The following PHACTR3 variants were observed in gnomAD, a reference collection of about 807,000 sequenced individuals.
The protein encoded by PHACTR3 is phosphatase and actin regulator 3, also known as protein phosphatase 1, regulatory subunit 123.
PHACTR3 carries 16 observed loss-of-function variants against 66.8 expected under a neutral mutation model. The observed-to-expected ratio is 0.24, with a 90% CI of 0.16 to 0.36. The LOEUF (loss-of-function observed/expected upper bound fraction) is 0.36, where lower values mean the gene tolerates loss of function less well. Among genes scored for constraint, PHACTR3 ranks in the 10% least tolerant of loss-of-function variants. The probability of loss-of-function intolerance (pLI) is 1.00; values close to 1 mark genes in which losing one functional copy is unlikely to be tolerated. For synonymous variants in PHACTR3, 323 were observed against 292.1 expected (o/e 1.11, Z -1.08); for missense variants, 647 against 719.9 (o/e 0.90, Z 1.16).
chr20:59,775,052 C>G (rs2040485000), intron 7 of PHACTR3, among the ~76,000 whole-genome samples: 1 of 149,258 alleles, frequency 6.7e-6, no homozygotes, highest in African/African-American at 2.4e-5. Flanking sequence ...TCCTTGGAAG[C>G]CAGCTCCGTA....
At chr20:59,812,645 C>T (rs1367348546) in intron 8 of PHACTR3, among the ~76,000 whole-genome samples, 1 of 152,220 alleles carries the variant, frequency 6.6e-6, no homozygotes, top group East Asian at 1.9e-4. Context: ...TCAATGGGGC[C>T]TTCGTTCTGC....
Position 59,604,741 on chromosome 20 carries a change from A to C in PHACTR3, c.-274A>C. The stretch of plus-strand genomic sequence containing the variant: ...TTTTCCCTGGAATATAGACTGAAGA[A>C]TGGGAATAAACACGAATAAATAACA... On this transcript the variant is annotated 5_prime_UTR_variant, in exon 1 of 13. An upstream start codon of the reference 5' UTR is lost. Transcript: ENST00000371015. The C allele has an allele frequency of 9.0e-7, 1 of 1,106,240 alleles. No homozygotes were observed. Among genetic ancestry groups the C allele is most frequent in the Non-Finnish European group, 1.1e-6 (1 of 910,726 alleles). The allele number at this position is 1,106,240 out of a possible 1,614,324, so 68.5% of individuals were successfully genotyped here.
intron 1 of PHACTR3, among the ~76,000 whole-genome samples, chr20:59,668,690 A>C (rs2036082683): frequency 6.6e-6 from 1 of 152,088 alleles, no homozygotes; most frequent in Admixed American, 6.6e-5. Flanking sequence ...TTCAATGCCT[A>C]AGTTTTTAAA....
At chr20:59,759,481 T>C (rs2039921782) in intron 4 of PHACTR3, among the ~76,000 whole-genome samples, 2 of 152,036 alleles carry the variant, frequency 1.3e-5, no homozygotes, top group Admixed American at 1.3e-4. Flanking sequence ...CTGAACAGAG[T>C]CTGTCCCTGT....
intron 8 of PHACTR3, among the ~76,000 whole-genome samples, chr20:59,827,108 T>C (rs1218857092): frequency 6.6e-6 from 1 of 152,066 alleles, no homozygotes; most frequent in South Asian, 2.1e-4. Context: ...TCCATGTTGC[T>C]GTCTTTAGCA....
intron 1 of PHACTR3, among the ~76,000 whole-genome samples, chr20:59,669,916 A>G (rs1029659172): frequency 6.6e-6 from 1 of 152,208 alleles, no homozygotes; most frequent in African/African-American, 2.4e-5. Flanking sequence ...GTTTTAACCT[A>G]AATTGCCTTT....
At chr20:59,687,726 A>T (rs2036953974) in intron 1 of PHACTR3, among the ~76,000 whole-genome samples, 1 of 152,100 alleles carries the variant, frequency 6.6e-6, no homozygotes, top group Non-Finnish European at 1.5e-5. Flanking sequence ...AGGTTTGTGG[A>T]CTGGTACCTG....
chr20:59,820,379 C>T lies in PHACTR3; in HGVS notation c.1328+14185C>T, dbSNP rs762947766. Among the ~76,000 whole-genome samples the T allele has an allele frequency of 6.6e-6, 1 of 152,232 alleles. No homozygotes were observed. The highest frequency in any genetic ancestry group is 1.5e-5 in the Non-Finnish European group (1 of 68,048). On this transcript the variant is annotated intron_variant, in intron 8 of 12. Coordinates refer to ENST00000371015, the MANE Select transcript of PHACTR3 (RefSeq NM_080672.5). The surrounding 1 kb of genome is among the most constrained non-coding windows in gnomAD (Gnocchi z 4.6). The stretch of plus-strand genomic sequence containing the variant: ...CGGGGCAGGCAAGGCCAGCACGGAT[C>T]AGGCAAAATGGTGGCTATCATGTAT...
chr20:59,607,786 A>G (rs1370587816), intron 1 of PHACTR3, among the ~76,000 whole-genome samples: 2 of 152,194 alleles, frequency 1.3e-5, no homozygotes, highest in African/African-American at 4.8e-5. Context: ...CCTCATTGCA[A>G]TATCCATCTC....
At chr20:59,799,697 C>A (rs963708388) in intron 7 of PHACTR3, among the ~76,000 whole-genome samples, 3 of 151,940 alleles carry the variant, frequency 2.0e-5, no homozygotes, top group Non-Finnish European at 4.4e-5. Context: ...TTTATAGGTT[C>A]TTTATATATA....
intron 1 of PHACTR3, among the ~76,000 whole-genome samples, chr20:59,665,524 AG>A (rs1432392259): frequency 6.6e-6 from 1 of 151,862 alleles, no homozygotes; most frequent in Non-Finnish European, 1.5e-5. Flanking sequence ...TTTTTTTTCC[AG>A]CAGATTTTAA....
chr20:59,757,385 T>G (rs750805110), intron 4 of PHACTR3, among the ~76,000 whole-genome samples: 1 of 152,214 alleles, frequency 6.6e-6, no homozygotes, highest in Non-Finnish European at 1.5e-5. Context: ...ATTACACATT[T>G]GTATCAGGGA....
intron 1 of PHACTR3, among the ~76,000 whole-genome samples, chr20:59,608,856 TTCTTG>T (rs2033757455): frequency 6.6e-6 from 1 of 152,198 alleles, no homozygotes; most frequent in African/African-American, 2.4e-5. Context: ...ACACCTGGGG[TTCTTG>T]TCAGTTTCAT....
At chr20:59,584,081 G>A (rs540141535) in intron 1 of PHACTR3, among the ~76,000 whole-genome samples, 2 of 152,220 alleles carry the variant, frequency 1.3e-5, no homozygotes, top group African/African-American at 2.4e-5. Context: ...AAGTGAGCGC[G>A]TGGGCAAGAA....
intron 1 of PHACTR3, among the ~76,000 whole-genome samples, chr20:59,674,397 T>TCCTGTTCCTTCCCCTTCTCCTGTCCCC (rs2036308926): frequency 1.3e-5 from 1 of 78,560 alleles, no homozygotes; most frequent in Admixed American, 1.2e-4. Flanking sequence ...CTCCTGTTCC[T>TCCTGTTCCTTCCCCTTCTCCTGTCCCC]CCTTCTCCTG....
intron 1 of PHACTR3, among the ~76,000 whole-genome samples, chr20:59,682,751 T>C (rs183356870): frequency 1.4e-4 from 21 of 152,216 alleles, no homozygotes; most frequent in Middle Eastern, 3.4e-3. Flanking sequence ...GAACCTTCAG[T>C]GAAGACGCCC....
At chr20:59,729,903 T>A (rs902337524) in intron 1 of PHACTR3, among the ~76,000 whole-genome samples, 7 of 152,142 alleles carry the variant, frequency 4.6e-5, no homozygotes, top group Non-Finnish European at 8.8e-5. Flanking sequence ...GGGAAAGTCA[T>A]TGAATTCACG....
At chr20:59,632,325 T>G (rs956271012) in intron 1 of PHACTR3, among the ~76,000 whole-genome samples, 1 of 152,196 alleles carries the variant, frequency 6.6e-6, no homozygotes, top group Non-Finnish European at 1.5e-5. Flanking sequence ...GAATTGACCA[T>G]CATCCTGCAC....
intron 9 of PHACTR3, among the ~76,000 whole-genome samples, chr20:59,839,694 A>C (rs2059024256): frequency 6.6e-6 from 1 of 152,198 alleles, no homozygotes; most frequent in African/African-American, 2.4e-5. Flanking sequence ...GAATGTTAAT[A>C]GTCACAACTT....
Sources: gnomAD v4.1 joint callset for allele counts (sites outside exome capture counted in the v4.1 genomes callset) on GRCh38, gnomAD v4.1.1 for gene constraint, Gnocchi (gnomAD v3.1) non-coding constraint, MANE v1.5 for transcripts, NCBI Gene and HGNC (gene_info 2026-07-23, HGNC 2026-07-21) for gene names.